The following FREM1 variants were observed in gnomAD, a reference collection of about 807,000 sequenced individuals.
FREM1 encodes the protein FRAS1 related extracellular matrix 1.
Under a neutral mutation model 210.1 loss-of-function variants are expected in FREM1, and 220 were observed. The ratio of observed to expected loss-of-function variants is 1.05; its 90% confidence interval spans 0.94 to 1.17. FREM1 has a LOEUF of 1.17. Ranked by LOEUF, FREM1 falls within the 50% of genes most tolerant of loss-of-function variation. FREM1 has a pLI of 0.00. For synonymous variants in FREM1, 1,189 were observed against 980.2 expected (o/e 1.21, Z -3.98); for missense variants, 3,454 against 2,675.5 (o/e 1.29, Z -6.42).
chr9:14,891,164 T>C (rs1056997037), intron 1 of FREM1, among the ~76,000 whole-genome samples: 2 of 152,188 alleles, frequency 1.3e-5, no homozygotes, highest in Non-Finnish European at 2.9e-5. Flanking sequence ...CACCAAACTG[T>C]GTAAAAGTGA....
At chr9:14,774,039 T>C (rs762326531) in intron 25 of FREM1, 22 of 505,486 alleles carry the variant, frequency 4.4e-5, no homozygotes, top group African/African-American at 4.1e-4. Flanking sequence ...ATAAAAACAA[T>C]AATTTTAATA....
At chr9:14,784,707 C>A in intron 23 of FREM1, 73 bp from the exon 24 acceptor site, 1 of 1,204,618 alleles carries the variant, frequency 8.3e-7, no homozygotes, top group Non-Finnish European at 1.1e-6. Context: ...AGGCAGAAGA[C>A]AAAGGCCAAA....
intron 27 of FREM1, among the ~76,000 whole-genome samples, chr9:14,761,478 T>C (rs117817404): frequency 1.1e-4 from 16 of 152,346 alleles, no homozygotes; most frequent in Admixed American, 2.0e-4. Flanking sequence ...GGAAACTTTA[T>C]GGGTCTCTGA....
intron 1 of FREM1, among the ~76,000 whole-genome samples, chr9:14,905,879 A>G (rs1817607109): frequency 6.6e-6 from 1 of 151,136 alleles, no homozygotes; most frequent in South Asian, 2.1e-4. Context: ...CAATAGAGCA[A>G]GACTCTGTCT....
intron 27 of FREM1, among the ~76,000 whole-genome samples, chr9:14,765,886 A>C (rs139378223): frequency 2.6e-5 from 4 of 152,302 alleles, no homozygotes; most frequent in African/African-American, 9.6e-5. Flanking sequence ...TCCACGTAGA[A>C]GCTGTATTAG....
intron 6 of FREM1, among the ~76,000 whole-genome samples, chr9:14,849,516 C>T (rs1827279405): frequency 6.6e-6 from 1 of 152,186 alleles, no homozygotes; most frequent in African/African-American, 2.4e-5. Flanking sequence ...AAATGCAAGG[C>T]ATACTCCCTA....
In FREM1 at chr9:14,784,474, G is replaced by C. The variant is rs768056732; in HGVS notation, c.4338C>G (p.His1446Gln). ...AGTTTGTAATGGGAACTCCAGGATAGTGAACATATTCGATCTGGCCATATC... is the reference window on the plus strand; with the variant it reads ...AGTTTGTAATGGGAACTCCAGGATACTGAACATATTCGATCTGGCCATATC... ...PPRYGQIEYVHYPGVPITNFS... is the reference protein window; with the variant it reads ...PPRYGQIEYVQYPGVPITNFS... Residue 1446 changes from histidine to glutamine, a missense_variant, in exon 24 of 37, where the codon CAC becomes CAG. His to Gln is a conservative substitution (Grantham distance 24). Coordinates refer to ENST00000380880, the MANE Select transcript of FREM1 (RefSeq NM_001379081.2). 6.2e-7 allele frequency: 1 copy of C among 1,613,930 alleles called. No individual in the cohort carries two copies. Among genetic ancestry groups the C allele is most frequent in the Admixed American group, 1.7e-5 (1 of 60,008 alleles).
At position 14,746,941 on chromosome 9, in the gene FREM1, G is replaced by C. The variant is rs959751928; in HGVS notation, c.6120C>G (p.Ala2040=). ...LYQCNGIAWK[A]WSPQTKDVED... is the part of the protein sequence containing the mutation. ...CTCCTACCTTGGTTTGGGGACTCCA[G>C]GCTTTCCAGGCGATCCCATTGCACT... Residue 2040 remains alanine, a synonymous_variant, in exon 34 of 37, where the codon GCC becomes GCG. Coordinates refer to ENST00000380880, the MANE Select transcript of FREM1 (RefSeq NM_001379081.2). 6.2e-7 allele frequency: 1 copy of C among 1,613,186 alleles called. No homozygotes were observed. The highest frequency in any genetic ancestry group is 8.5e-7 in the Non-Finnish European group (1 of 1,179,700).
chr9:14,763,358 T>C (rs1845845114), intron 27 of FREM1, among the ~76,000 whole-genome samples: 1 of 152,104 alleles, frequency 6.6e-6, no homozygotes, highest in Non-Finnish European at 1.5e-5. Flanking sequence ...TCACCCCCAC[T>C]TGAGAACTTC....
Position 14,792,667 on chromosome 9 carries a change from T to A in FREM1, c.3981+76A>T, listed in dbSNP as rs1214639115. The A allele has an allele frequency of 1.4e-5, 15 of 1,106,108 alleles. No homozygotes were observed. In the East Asian group the frequency reaches 3.8e-4, roughly 28 times the overall value. 68.5% of individuals were successfully genotyped at this position (1,106,108 alleles called of 1,614,324 possible). On this transcript the variant is annotated intron_variant, in intron 22 of 36. Transcript: ENST00000380880. ...TATGTCTATCAGAGAATAAATCCCA[T>A]CATAGAAATGTGTATATTGAGAAGA... is the stretch of plus-strand genomic sequence containing the variant.
chr9:14,826,847 A>T (rs1822550405), intron 10 of FREM1, among the ~76,000 whole-genome samples: 1 of 152,208 alleles, frequency 6.6e-6, no homozygotes, highest in Non-Finnish European at 1.5e-5. Flanking sequence ...GCAACGAGGC[A>T]CCATCTTGAA....
chr9:14,805,163 C>A lies in FREM1; in HGVS notation c.3275-11G>T, dbSNP rs1818133356. The A allele has an allele frequency of 1.3e-6, 2 of 1,492,690 alleles. No individual in the cohort carries two copies. Among genetic ancestry groups the A allele is most frequent in the Middle Eastern group, 1.8e-4 (1 of 5,596 alleles). The allele number at this position is 1,492,690 out of a possible 1,614,324, so 92.5% of individuals were successfully genotyped here. ...TCCACTGAAATGAATCTAGAGCACACCAAGATGGAACAGATAAATAAAAAA... is the reference window on the plus strand; with the variant it reads ...TCCACTGAAATGAATCTAGAGCACAACAAGATGGAACAGATAAATAAAAAA... On this transcript the variant is annotated splice_polypyrimidine_tract_variant and intron_variant, in intron 18 of 36. Coordinates refer to ENST00000380880, the MANE Select transcript of FREM1 (RefSeq NM_001379081.2).
At chr9:14,816,957 T>C in intron 14 of FREM1, 86 bp from the exon 15 acceptor site, 1 of 435,974 alleles carries the variant, frequency 2.3e-6, no homozygotes, top group Non-Finnish European at 4.0e-6. Flanking sequence ...TTCCAAGGCT[T>C]TGGCCATGTG....
At chr9:14,822,296 G>A (rs985747094) in intron 13 of FREM1, among the ~76,000 whole-genome samples, 1 of 152,178 alleles carries the variant, frequency 6.6e-6, no homozygotes, top group South Asian at 2.1e-4. Context: ...TGCAGGTTGG[G>A]CAGCCCTTTT....
At chr9:14,757,778 C>T (rs1159978206) in intron 28 of FREM1, among the ~76,000 whole-genome samples, 1 of 152,136 alleles carries the variant, frequency 6.6e-6, no homozygotes. Flanking sequence ...CATTTCAAAT[C>T]AAAGGCCCCC....
Position 14,770,731 on chromosome 9 carries a change from C to G in FREM1, c.4933G>C (p.Gly1645Arg), listed in dbSNP as rs536391006. The change falls in exon 26 of 37, where the codon GGC (glycine) becomes CGC (arginine). Residue 1645 changes from glycine to arginine, a missense_variant. Transcript: ENST00000380880. ...SPSQVGLLKN[G>R]CYGIYITSRV... ...GAAGTGATGTAAATCCCGTAGCAGC[C>G]ATTTTTCAGGAGCCCCACTTGAGAA... 10 of 1,613,572 alleles carry G rather than the reference C, an allele frequency of 6.2e-6. No individual in the cohort carries two copies. In the South Asian group the frequency reaches 1.1e-4, roughly 18 times the overall value.
intron 35 of FREM1, among the ~76,000 whole-genome samples, chr9:14,745,867 C>G (rs1198468231): frequency 6.6e-6 from 1 of 152,194 alleles, no homozygotes; most frequent in East Asian, 1.9e-4. Flanking sequence ...GTCTTACTTG[C>G]CCAGCTTTAT....
intron 20 of FREM1, among the ~76,000 whole-genome samples, chr9:14,800,034 G>A (rs1853237263): frequency 1.4e-5 from 2 of 147,710 alleles, no homozygotes; most frequent in Admixed American, 7.0e-5. Context: ...AACTATGAGT[G>A]AGAACATGCA....
At chr9:14,775,635 G>A (rs796655248) in intron 25 of FREM1, among the ~76,000 whole-genome samples, 154 bp downstream of exon 25, 1 of 149,506 alleles carries the variant, frequency 6.7e-6, no homozygotes, top group South Asian at 2.2e-4. Flanking sequence ...TTGAGCCCAG[G>A]AGGTGGAGAT....
Sources: gnomAD v4.1 joint callset for allele counts (sites outside exome capture counted in the v4.1 genomes callset) on GRCh38, gnomAD v4.1.1 for gene constraint, MANE v1.5 for transcripts, NCBI Gene and HGNC (gene_info 2026-07-23, HGNC 2026-07-21) for gene names.